YME1L1: variants seen among roughly 807,000 people sequenced by gnomAD.
YME1L1 encodes the protein YME1 like 1 ATPase.
Under a neutral mutation model 90.4 loss-of-function variants are expected in YME1L1, and 39 were observed. The observed-to-expected ratio is 0.43, with a 90% CI of 0.33 to 0.56. The LOEUF (loss-of-function observed/expected upper bound fraction) is 0.56. Among genes scored for constraint, YME1L1 ranks in the 20% least tolerant of loss-of-function variants. The probability of loss-of-function intolerance (pLI) is 0.03; values close to 1 mark genes in which losing one functional copy is unlikely to be tolerated. For synonymous variants in YME1L1, 284 were observed against 287.3 expected, an observed-to-expected ratio of 0.99 and a Z score of 0.12; for missense variants, 617 against 868.4, an observed-to-expected ratio of 0.71 and a Z score of 3.64.
intron 1 of YME1L1, among the ~76,000 whole-genome samples, chr10:27,150,810 T>C (rs1299702404): frequency 6.6e-6 from 1 of 152,146 alleles, no homozygotes; most frequent in East Asian, 1.9e-4. Flanking sequence ...TAACTAACTG[T>C]AGGTATCCTT....
chr10:27,150,401 T>G (rs929458572), intron 1 of YME1L1, among the ~76,000 whole-genome samples: 2 of 151,932 alleles, frequency 1.3e-5, no homozygotes, highest in Non-Finnish European at 2.9e-5. Flanking sequence ...CCATCTGGAG[T>G]AGGGGCAAAA....
Position 27,110,737 on chromosome 10 carries a change from T to C in YME1L1, c.*1240A>G, listed in dbSNP as rs2056751336. ...GTTATAGTCAAAATGAGGGACATTA[T>C]TCAGAATGAGGTTATGTATTTATTT... On this transcript the variant is annotated 3_prime_UTR_variant, in exon 19 of 19. Coordinates refer to ENST00000376016, the MANE Select transcript of YME1L1 (RefSeq NM_014263.4). 1 of 152,204 alleles carries C rather than the reference T, an allele frequency of 6.6e-6. No homozygotes were observed. Among genetic ancestry groups the C allele is most frequent in the Non-Finnish European group, 1.5e-5 (1 of 68,036 alleles). 9.4% of individuals were successfully genotyped at this position (152,204 alleles called of 1,614,324 possible).
rs1410072089 is a variant in YME1L1, at chr10:27,110,413, A to G, written c.*1564T>C. 1 of 152,234 alleles carries G rather than the reference A, an allele frequency of 6.6e-6. No individual in the cohort carries two copies. Among genetic ancestry groups the G allele is most frequent in the Non-Finnish European group, 1.5e-5 (1 of 68,044 alleles). The allele number at this position is 152,234 out of a possible 1,614,324, so 9.4% of individuals were successfully genotyped here. A position where few individuals can be genotyped will look rare whatever the true frequency, so the allele number is the denominator to read the frequency against. On this transcript the variant is annotated 3_prime_UTR_variant, in exon 19 of 19. Coordinates refer to ENST00000376016, the MANE Select transcript of YME1L1 (RefSeq NM_014263.4). ...TATAATGTAACAAGCTTCCTGTAAC[A>G]ATATCTATCTTTTTTCAATGAAGAC...
intron 1 of YME1L1, among the ~76,000 whole-genome samples, chr10:27,151,392 A>T (rs1466684477): frequency 2.0e-5 from 3 of 152,222 alleles, no homozygotes; most frequent in African/African-American, 7.2e-5. Flanking sequence ...GACCTTTAAG[A>T]GGCATTTAGT....
chr10:27,125,459 A>G (rs113477385), intron 9 of YME1L1, among the ~76,000 whole-genome samples: 73 of 4,686 alleles, frequency 0.016, no homozygotes, highest in African/African-American at 0.052. Context: ...GTTTCATTTG[A>G]AAAAAAAAAA....
chr10:27,143,545 A>C (rs942447096), intron 3 of YME1L1, among the ~76,000 whole-genome samples: 3 of 148,946 alleles, frequency 2.0e-5, no homozygotes, highest in Admixed American at 2.0e-4. Context: ...TAAAAATACA[A>C]AAATTAGCCG....
In YME1L1 at chr10:27,145,787, A is replaced by C. The variant is rs788209; in HGVS notation, c.169-197T>G. 0.11 allele frequency: 43,387 copies of C among 396,328 alleles called. 2,998 individuals carry two copies. Among genetic ancestry groups the C allele is most frequent in the Middle Eastern group, 0.15 (206 of 1,398 alleles). The allele number at this position is 396,328 out of a possible 1,614,324, so 24.6% of individuals were successfully genotyped here. A position where few individuals can be genotyped will look rare whatever the true frequency, so the allele number is the denominator to read the frequency against. On this transcript the variant is annotated intron_variant, in intron 2 of 18. Transcript: ENST00000376016. ...AGATCAGTCATATGAGGTTTGACAT[A>C]GGTTAAAAAATTATATTCCTAATGG... is the stretch of plus-strand genomic sequence containing the variant.
rs1403134157 is a variant in YME1L1 at position 27,123,682 on chromosome 10, G to A, written c.967C>T (p.Pro323Ser). Residue 323 changes from proline (P) to serine (S), a missense_variant, in exon 10 of 19, where the codon CCC (proline) becomes TCC (serine). By Grantham distance (74) the Pro-to-Ser change is moderately conservative (BLOSUM62 -1). Around this residue, in one of 4 missense-constraint regions of YME1L1, gnomAD observed 93 missense variants for 184.8 expected, o/e 0.50. Coordinates refer to ENST00000376016, the MANE Select transcript of YME1L1 (RefSeq NM_014263.4). ...AGAAGTGTCTTTCCAGTCCCTGGGG[G>A]TCCAACTAAAAGAATTCCTAAAAGA... ...KLPKGILLVGPPGTGKTLLAR... is the reference protein window; with the variant it reads ...KLPKGILLVGSPGTGKTLLAR... The A allele has an allele frequency of 1.9e-6, 3 of 1,601,356 alleles. No homozygotes were observed. The highest frequency in any genetic ancestry group is 1.4e-5 in the African/African-American group (1 of 74,068).
intron 13 of YME1L1, among the ~76,000 whole-genome samples, chr10:27,119,868 AG>A (rs1448949629): frequency 2.6e-5 from 4 of 152,012 alleles, no homozygotes; most frequent in Non-Finnish European, 5.9e-5. Flanking sequence ...GAAAATAGCT[AG>A]CTATTCTGAG....
intron 3 of YME1L1, among the ~76,000 whole-genome samples, chr10:27,143,267 G>A (rs965123849): frequency 1.3e-5 from 2 of 152,094 alleles, no homozygotes; most frequent in East Asian, 3.9e-4. Context: ...TACTCAGGAG[G>A]CTGAGGCAGG....
intron 11 of YME1L1, among the ~76,000 whole-genome samples, 170 bp from the exon 12 acceptor site, chr10:27,121,618 G>A (rs2056868392): frequency 6.6e-6 from 1 of 152,074 alleles, no homozygotes. Flanking sequence ...TCAAACTCCT[G>A]GGTTGAAGTG....
chr10:27,119,760 G>C (rs1018075031), intron 13 of YME1L1, among the ~76,000 whole-genome samples: 1 of 150,468 alleles, frequency 6.6e-6, no homozygotes, highest in African/African-American at 2.4e-5. Flanking sequence ...AGTAAGCCAA[G>C]ATTGTGCCAC....
chr10:27,118,174 T>C (rs558165650), intron 14 of YME1L1, among the ~76,000 whole-genome samples: 2 of 152,330 alleles, frequency 1.3e-5, no homozygotes, highest in African/African-American at 4.8e-5. Context: ...AAGTCATTCT[T>C]ATTATAGCTC....
chr10:27,144,195 A>G (rs971338198), intron 3 of YME1L1, among the ~76,000 whole-genome samples: 1 of 152,236 alleles, frequency 6.6e-6, no homozygotes, highest in Non-Finnish European at 1.5e-5. Flanking sequence ...AGTAGGAATA[A>G]TCATAATAAC....
chr10:27,153,153 T>C, intron 1 of YME1L1: 2 of 469,630 alleles, frequency 4.3e-6, no homozygotes, highest in Non-Finnish European at 8.8e-6. Context: ...CTGTTCACTC[T>C]TCACCTTGCT....
intron 4 of YME1L1, among the ~76,000 whole-genome samples, chr10:27,137,995 C>T (rs1024618941): frequency 1.3e-5 from 2 of 151,944 alleles, no homozygotes; most frequent in African/African-American, 4.8e-5. Flanking sequence ...AGTCTACTTA[C>T]TTCTAATATT....
chr10:27,130,644 G>C (rs2056966308), intron 8 of YME1L1, among the ~76,000 whole-genome samples: 1 of 152,190 alleles, frequency 6.6e-6, no homozygotes, highest in South Asian at 2.1e-4. Context: ...CTGAGGTCAG[G>C]AGTTCAAGAC....
At chr10:27,113,260 A>AAAAAT in intron 18 of YME1L1, among the ~76,000 whole-genome samples, 1 of 111,694 alleles carries the variant, frequency 9.0e-6, no homozygotes. Context: ...AAAAAAAAAA[A>AAAAAT]AAAGACCTGC....
intron 4 of YME1L1, among the ~76,000 whole-genome samples, chr10:27,139,898 G>C (rs2057068848): frequency 6.6e-6 from 1 of 151,720 alleles, no homozygotes; most frequent in African/African-American, 2.4e-5. Flanking sequence ...ATTTGTTTTT[G>C]GTTTAATTAA....
Sources: gnomAD v4.1 joint callset for allele counts (sites outside exome capture counted in the v4.1 genomes callset) on GRCh38, gnomAD v4.1.1 for gene constraint, gnomAD v4.1.1 regional missense constraint, MANE v1.5 for transcripts, NCBI Gene and HGNC (gene_info 2026-07-23, HGNC 2026-07-21) for gene names.